ANKH: variants seen among roughly 807,000 people sequenced by gnomAD.
ANKH encodes mineralization regulator ANKH.
ANKH carries 15 observed loss-of-function variants against 49.0 expected under a neutral mutation model. The ratio of observed to expected loss-of-function variants is 0.31; its 90% CI spans 0.20 to 0.47. The LOEUF (loss-of-function observed/expected upper bound fraction) is 0.47, where lower values mean the gene tolerates loss of function less well. ANKH is among the 20% of genes least tolerant of loss of function. The pLI is 1.00. For missense variants in ANKH, 429 were observed against 652.0 expected (o/e 0.66, Z 3.72); for synonymous variants, 273 against 260.0 (o/e 1.05, Z -0.48).
intron 8 of ANKH, among the ~76,000 whole-genome samples, chr5:14,727,196 T>C (rs1157767744): frequency 6.6e-6 from 1 of 152,170 alleles, no homozygotes; most frequent in African/African-American, 2.4e-5. Context: ...GAAAAGCATA[T>C]TACAAAGTGT....
At chr5:14,844,820 C>T in intron 1 of ANKH, among the ~76,000 whole-genome samples, 1 of 151,940 alleles carries the variant, frequency 6.6e-6, no homozygotes, top group African/African-American at 2.4e-5. Context: ...TTTCTCCCCA[C>T]TCCTCTTTTC....
chr5:14,751,227 C>G lies in ANKH; in HGVS notation c.529G>C (p.Ala177Pro), dbSNP rs780995223. 8.7e-6 allele frequency: 14 copies of G among 1,614,008 alleles called. No homozygotes were observed. The highest frequency in any genetic ancestry group is 1.2e-5 in the Non-Finnish European group (14 of 1,180,032). ...TCCAGGTGACTGTGAAGCAAAATGG[C>G]TACAAAAACAACCTGAGAGAAGGGA... The part of the protein sequence containing the change: ...SDVIAQVVFV[A>P]ILLHSHLECR... Residue 177 changes from alanine to proline, a missense_variant, in exon 5 of 12, where the codon GCC (alanine) becomes CCC (proline). Physicochemically the swap from Ala to Pro is conservative, Grantham distance 27. Transcript: ENST00000284268.
At chr5:14,729,920 C>A (rs182606518) in intron 8 of ANKH, among the ~76,000 whole-genome samples, 12 of 152,188 alleles carry the variant, frequency 7.9e-5, no homozygotes, top group Non-Finnish European at 1.8e-4. Context: ...TCTCTGCGGC[C>A]TGAAGTTCTG....
At chr5:14,859,513 T>G (rs929880624) in intron 1 of ANKH, among the ~76,000 whole-genome samples, 6 of 152,210 alleles carry the variant, frequency 3.9e-5, no homozygotes, top group African/African-American at 1.4e-4. Flanking sequence ...TTTTACAAAC[T>G]CTCCACCTGC....
chr5:14,825,176 A>G (rs1307539478), intron 1 of ANKH, among the ~76,000 whole-genome samples: 1 of 152,176 alleles, frequency 6.6e-6, no homozygotes, highest in Non-Finnish European at 1.5e-5. Flanking sequence ...ACTCACAAAA[A>G]CGACTGGGCA....
At chr5:14,793,099 ATTT>A (rs1456587596) in intron 1 of ANKH, among the ~76,000 whole-genome samples, 2 of 140,166 alleles carry the variant, frequency 1.4e-5, no homozygotes, top group Non-Finnish European at 3.0e-5. Context: ...ATAAATATTT[ATTT>A]ATTTATATAT....
chr5:14,725,291 T>G lies in ANKH; in HGVS notation c.1012-8456A>C, dbSNP rs561291428. ...TCCCTCACAGGGATGCTGTGTGGAC[T>G]GGGCTGCCCAGAGTGCTGGTCTGCC... On this transcript the variant is annotated intron_variant, in intron 8 of 11. Transcript: ENST00000284268. The surrounding 1 kb of genome is among the most constrained non-coding windows in gnomAD (Gnocchi z 4.0). Among the ~76,000 whole-genome samples, 1 of 152,352 alleles carries G rather than the reference T, an allele frequency of 6.6e-6. No individual in the cohort carries two copies. Among genetic ancestry groups the G allele is most frequent in the South Asian group, 2.1e-4 (1 of 4,830 alleles).
In ANKH at chr5:14,776,895, G is replaced by T. The variant is rs148414206; in HGVS notation, c.97-7704C>A. ...AATATGAAGCCGCCCTTTAATCACA[G>T]CCTGGGTCTGGCCCCAGGTGCATGG... On this transcript the variant is annotated intron_variant, in intron 1 of 11. Coordinates refer to ENST00000284268, the MANE Select transcript of ANKH (RefSeq NM_054027.6). Among the ~76,000 whole-genome samples, 757 of 152,324 alleles carry T rather than the reference G, an allele frequency of 5.0e-3. 7 individuals carry two copies. The highest frequency in any genetic ancestry group is 0.018 in the African/African-American group (732 of 41,574).
chr5:14,815,446 T>C (rs1265622645), intron 1 of ANKH, among the ~76,000 whole-genome samples: 1 of 152,240 alleles, frequency 6.6e-6, no homozygotes, highest in Admixed American at 6.5e-5. Context: ...TGTTCATTCA[T>C]AGTCATTCTT....
intron 8 of ANKH, among the ~76,000 whole-genome samples, chr5:14,738,469 G>A (rs1382829523): frequency 1.3e-5 from 2 of 152,326 alleles, no homozygotes; most frequent in South Asian, 4.1e-4. Context: ...GTGTGGGAAA[G>A]CGTGCTAACG....
chr5:14,818,084 G>A (rs71603747), intron 1 of ANKH, among the ~76,000 whole-genome samples: 102 of 130,576 alleles, frequency 7.8e-4, no homozygotes, highest in Middle Eastern at 4.3e-3. Context: ...AAAAAAAAAG[G>A]AAAAAAAAAA....
chr5:14,773,127 A>G (rs1380463472), intron 1 of ANKH, among the ~76,000 whole-genome samples: 3 of 152,198 alleles, frequency 2.0e-5, no homozygotes, highest in Non-Finnish European at 4.4e-5. Context: ...CATTTAGGAC[A>G]GCTTCTAATC....
chr5:14,778,369 CAG>C (rs1223834585), intron 1 of ANKH, among the ~76,000 whole-genome samples: 16 of 152,164 alleles, frequency 1.1e-4, no homozygotes, highest in African/African-American at 3.6e-4. Context: ...CCACTTGGCT[CAG>C]AGTCTCCTCT....
chr5:14,758,299 A>G (rs1243629312), intron 3 of ANKH, among the ~76,000 whole-genome samples, 181 bp downstream of exon 3: 1 of 152,236 alleles, frequency 6.6e-6, no homozygotes. Flanking sequence ...CTGTTGAATT[A>G]GGATAGAATC....
At position 14,711,236 on chromosome 5, in the gene ANKH, C is replaced by T; in HGVS notation, c.1440G>A (p.Glu480=). The stretch of plus-strand genomic sequence containing the variant: ...CTCTCATTTCCACGATGTCTGTCAC[C>T]TCCTCTGTCGGAGGCATGTCTGTCA... ...SAMTDMPPTE[E]VTDIVEMREE... is the part of the protein sequence containing the mutation. The change falls in exon 12 of 12, where the codon GAG becomes GAA. Residue 480 remains glutamate (E), a synonymous_variant. Transcript: ENST00000284268. The T allele has an allele frequency of 6.2e-7, 1 of 1,614,152 alleles. No homozygotes were observed. Among genetic ancestry groups the T allele is most frequent in the Non-Finnish European group, 8.5e-7 (1 of 1,180,020 alleles).
intron 1 of ANKH, among the ~76,000 whole-genome samples, chr5:14,863,261 G>A (rs16903719): frequency 0.11 from 16,172 of 152,106 alleles, 1,230 homozygotes; most frequent in East Asian, 0.37. Context: ...AGAGTCTCAA[G>A]AAGGCCACAA....
At chr5:14,775,055 C>CT (rs1162613390) in intron 1 of ANKH, among the ~76,000 whole-genome samples, 1 of 60,342 alleles carries the variant, frequency 1.7e-5, no homozygotes, top group Non-Finnish European at 3.5e-5. Flanking sequence ...ACACATAAGT[C>CT]CCCTTTTTTT....
In ANKH at chr5:14,737,052, G is replaced by A. The variant is rs1738210220; in HGVS notation, c.1011+4775C>T. Among the ~76,000 whole-genome samples the A allele has an allele frequency of 6.6e-6, 1 of 152,230 alleles. No individual in the cohort carries two copies. Among genetic ancestry groups the A allele is most frequent in the Admixed American group, 6.5e-5 (1 of 15,290 alleles). ...TAGTCAACTAAAAGCATCCAAAGGTGTTAAAAACTTCTGTTTATTAAAATA... is the reference window on the plus strand; with the variant it reads ...TAGTCAACTAAAAGCATCCAAAGGTATTAAAAACTTCTGTTTATTAAAATA... On this transcript the variant is annotated intron_variant, in intron 8 of 11. Coordinates refer to ENST00000284268, the MANE Select transcript of ANKH (RefSeq NM_054027.6). This position sits in a 1 kb window ranked among gnomAD's most constrained non-coding sequence, Gnocchi z 5.0.
Position 14,737,716 on chromosome 5 carries a change from A to G in ANKH, c.1011+4111T>C, listed in dbSNP as rs999133771. ...GTTCTTCCAAATGGCTTTATGCCAC[A>G]TATATTTTTGAAATGTGCTTCCCTT... On this transcript the variant is annotated intron_variant, in intron 8 of 11. Coordinates refer to ENST00000284268, the MANE Select transcript of ANKH (RefSeq NM_054027.6). This position sits in a 1 kb window ranked among gnomAD's most constrained non-coding sequence, Gnocchi z 5.0. 1.3e-5 allele frequency among the ~76,000 whole-genome samples: 2 copies of G among 152,230 alleles called. No individual in the cohort carries two copies. The highest frequency in any genetic ancestry group is 2.9e-5 in the Non-Finnish European group (2 of 68,048).
Sources: allele counts gnomAD v4.1 joint callset (sites outside exome capture counted in the v4.1 genomes callset), GRCh38; gene constraint gnomAD v4.1.1; non-coding constraint Gnocchi (gnomAD v3.1); transcripts MANE v1.5; gene names NCBI Gene and HGNC (gene_info 2026-07-23, HGNC 2026-07-21).